Variants in FRRS1 observed in about 807,000 individuals in gnomAD.
The protein encoded by FRRS1 is ferric chelate reductase 1, also known as ferric reductase 1.
Under a neutral mutation model 70.7 loss-of-function variants are expected in FRRS1, and 51 were observed. That is an observed-to-expected ratio of 0.72 (90% confidence interval 0.58 to 0.91). The LOEUF (loss-of-function observed/expected upper bound fraction) is 0.91. Among genes scored for constraint, FRRS1 ranks in the 40% least tolerant of loss-of-function variants. The probability of loss-of-function intolerance (pLI) is 0.00; values close to 1 mark genes in which losing one functional copy is unlikely to be tolerated. For synonymous variants in FRRS1, 225 were observed against 238.7 expected (o/e 0.94, Z 0.53); for missense variants, 672 against 726.0 (o/e 0.93, Z 0.86).
chr1:99,719,699 A>C, intron 9 of FRRS1, 52 bp from the exon 10 acceptor site: 1 of 995,004 alleles, frequency 1.0e-6, no homozygotes, highest in Non-Finnish European at 1.6e-6. Context: ...ACTTCCTCAA[A>C]TAAAAAAGGA....
chr1:99,754,509 G>A (rs77422777), intron 1 of FRRS1, among the ~76,000 whole-genome samples: 5,400 of 57,642 alleles, frequency 0.094, 315 homozygotes, highest in African/African-American at 0.47. Flanking sequence ...GAGAGAGAAA[G>A]AGAGAGAGAG....
chr1:99,761,538 C>G (rs559019753), intron 1 of FRRS1, among the ~76,000 whole-genome samples: 153 of 152,280 alleles, frequency 1.0e-3, no homozygotes, highest in Non-Finnish European at 1.8e-3. Flanking sequence ...CACAATAATT[C>G]TTTCCTTAAA....
At chr1:99,740,150 T>A (rs1655881434) in intron 6 of FRRS1, among the ~76,000 whole-genome samples, 1 of 152,114 alleles carries the variant, frequency 6.6e-6, no homozygotes, top group African/African-American at 2.4e-5. Context: ...ATTTCAAGAA[T>A]CTCCTCCAAA....
At chr1:99,744,064 T>TAAAAA (rs112254806) in intron 4 of FRRS1, among the ~76,000 whole-genome samples, 8,580 of 124,142 alleles carry the variant, frequency 0.069, 605 homozygotes, top group African/African-American at 0.23. Context: ...AGAACGATTG[T>TAAAAA]AAAAAAAAAA....
At chr1:99,763,949 G>A (rs1282933108) in intron 1 of FRRS1, among the ~76,000 whole-genome samples, 1 of 151,510 alleles carries the variant, frequency 6.6e-6, no homozygotes. Context: ...ATTATTTCCA[G>A]TAGCAAAAAT....
At chr1:99,736,414 T>C (rs1170730657) in intron 7 of FRRS1, among the ~76,000 whole-genome samples, 1 of 152,120 alleles carries the variant, frequency 6.6e-6, no homozygotes. Flanking sequence ...TTTTGTTTAA[T>C]GAAAGAAGAT....
chr1:99,732,769 G>A (rs1267030893), intron 7 of FRRS1, among the ~76,000 whole-genome samples: 1 of 151,666 alleles, frequency 6.6e-6, no homozygotes, highest in African/African-American at 2.4e-5. Flanking sequence ...GAAAAGAACA[G>A]TTTTTCTATA....
intron 1 of FRRS1, 89 bp downstream of exon 1, chr1:99,766,518 A>G (rs12127190): frequency 0.25 from 37,301 of 152,080 alleles, 4,678 homozygotes; most frequent in South Asian, 0.41. Flanking sequence ...CAGCACAGGC[A>G]CTCGCTCTCC....
At chr1:99,732,152 C>G (rs1278233089) in intron 7 of FRRS1, among the ~76,000 whole-genome samples, 4 of 152,162 alleles carry the variant, frequency 2.6e-5, no homozygotes, top group African/African-American at 4.8e-5. Context: ...TGGGGATAGA[C>G]AGCAGGTAAC....
At chr1:99,759,421 A>C (rs1278959144) in intron 1 of FRRS1, among the ~76,000 whole-genome samples, 1 of 152,164 alleles carries the variant, frequency 6.6e-6, no homozygotes, top group Non-Finnish European at 1.5e-5. Flanking sequence ...TAATCTGGGG[A>C]CAGTGTACAT....
chr1:99,715,504 A>T, intron 12 of FRRS1, 82 bp downstream of exon 12: 1 of 805,708 alleles, frequency 1.2e-6, no homozygotes, highest in South Asian at 1.5e-5. Context: ...ATATCTTTTT[A>T]CCCATCATTT....
Position 99,712,516 on chromosome 1 carries a change from C to T in FRRS1, c.1324-1G>A. The stretch of plus-strand genomic sequence containing the variant: ...CGAGGTATGGGTGGTAACCTGCATG[C>T]TAAACAAAGTTACATCATTTTAATG... On this transcript the variant is annotated splice_acceptor_variant, in intron 12 of 16. Transcript: ENST00000646001. LOFTEE classifies it high-confidence loss of function. The T allele has an allele frequency of 6.3e-7, 1 of 1,576,278 alleles. No individual in the cohort carries two copies. The highest frequency in any genetic ancestry group is 8.6e-7 in the Non-Finnish European group (1 of 1,159,212).
chr1:99,708,700 T>C lies in FRRS1; in HGVS notation c.*328A>G, dbSNP rs1654134473. ...TCTTTATTATCCTAGTGACATCTGT[T>C]GTGATTTTCCAAATCACTATTTATT... On this transcript the variant is annotated 3_prime_UTR_variant, in exon 17 of 17. Transcript: ENST00000646001. The C allele has an allele frequency of 2.8e-6, 1 of 360,816 alleles. No individual in the cohort carries two copies. Among genetic ancestry groups the C allele is most frequent in the East Asian group, 4.6e-5 (1 of 21,630 alleles). The allele number at this position is 360,816 out of a possible 1,614,324, so 22.4% of individuals were successfully genotyped here. A position where few individuals can be genotyped will look rare whatever the true frequency, so the allele number is the denominator to read the frequency against.
At chr1:99,717,313 CACAAAACGCATACACAT>C in intron 11 of FRRS1, 80 bp downstream of exon 11, 1 of 824,120 alleles carries the variant, frequency 1.2e-6, no homozygotes, top group South Asian at 1.4e-5. Flanking sequence ...CAACTGCAAC[CACAAAACGCATACACAT>C]ACACACATAC....
At position 99,706,561 on chromosome 1, in the gene FRRS1, T is replaced by A. The variant is rs376399357; in HGVS notation, c.*2467A>T. Among the ~76,000 whole-genome samples the A allele has an allele frequency of 2.8e-4, 42 of 152,232 alleles. No homozygotes were observed. The East Asian group carries it at 7.9e-3, about 29-fold the overall frequency. On this transcript the variant is annotated 3_prime_UTR_variant, in exon 17 of 17. Transcript: ENST00000646001. Reference sequence around the variant, plus strand: ...ACACTCGAAATATAGCAAGCCCACATATTTGAAGACCAAACACATCAAGAC... The same window carrying A: ...ACACTCGAAATATAGCAAGCCCACAAATTTGAAGACCAAACACATCAAGAC...
At chr1:99,746,583 T>G (rs1039197481) in intron 4 of FRRS1, among the ~76,000 whole-genome samples, 2 of 152,150 alleles carry the variant, frequency 1.3e-5, no homozygotes, top group African/African-American at 4.8e-5. Flanking sequence ...AACAGAAGAA[T>G]TAACAGAAGA....
At chr1:99,738,396 G>T in intron 6 of FRRS1, 128 bp from the exon 7 acceptor site, 1 of 593,340 alleles carries the variant, frequency 1.7e-6, no homozygotes, top group Non-Finnish European at 2.9e-6. Flanking sequence ...TCCATAATAA[G>T]CATTCAAATA....
chr1:99,745,402 T>G lies in FRRS1; in HGVS notation c.333+1892A>C, dbSNP rs148597235. Reference sequence around the variant, plus strand: ...AAAGACTGCCTTTTAAAGGTTCTTTTGGCCGGCACGGTGGGTCATGCATGT... The same window carrying G: ...AAAGACTGCCTTTTAAAGGTTCTTTGGGCCGGCACGGTGGGTCATGCATGT... On this transcript the variant is annotated intron_variant, in intron 4 of 16. Transcript: ENST00000646001. Among the ~76,000 whole-genome samples, 407 of 152,262 alleles carry G rather than the reference T, an allele frequency of 2.7e-3. 13 individuals are homozygous for G. Among genetic ancestry groups the G allele is most frequent in the East Asian group, 2.3e-3 (12 of 5,182 alleles).
In FRRS1 at chr1:99,706,224, C is replaced by CTAAAA. The variant is rs1654034120; in HGVS notation, c.*2803_*2804insTTTTA. ...CAACAAAGGGAGATCCCTTCTCTAC[C>CTAAAA]AAAAAAAAAAAAAAATTTTTTTTTA... is the stretch of plus-strand genomic sequence containing the variant. On this transcript the variant is annotated 3_prime_UTR_variant, in exon 17 of 17. Transcript: ENST00000646001. Among the ~76,000 whole-genome samples, 1 of 139,508 alleles carries CTAAAA rather than the reference C, an allele frequency of 7.2e-6. No individual in the cohort carries two copies. Among genetic ancestry groups the CTAAAA allele is most frequent in the Non-Finnish European group, 1.6e-5 (1 of 63,306 alleles). The allele number at this position is 139,508 out of a possible 152,430, so 91.5% of individuals were successfully genotyped here.
Sources: allele counts gnomAD v4.1 joint callset (sites outside exome capture counted in the v4.1 genomes callset), GRCh38; gene constraint gnomAD v4.1.1; transcripts MANE v1.5; gene names NCBI Gene and HGNC (gene_info 2026-07-23, HGNC 2026-07-21).